PUDP: variants seen among roughly 807,000 people sequenced by gnomAD.
PUDP encodes the protein pseudouridine-5'-phosphatase.
PUDP carries 8 observed loss-of-function variants against 9.4 expected under a neutral mutation model. The ratio of observed to expected loss-of-function variants is 0.85; its 90% CI spans 0.50 to 1.53. The LOEUF (loss-of-function observed/expected upper bound fraction) is 1.53. Among genes scored for constraint, PUDP ranks in the 40% most tolerant of loss-of-function variants. The probability of loss-of-function intolerance (pLI) is 0.00; values close to 1 mark genes in which losing one functional copy is unlikely to be tolerated. For missense variants in PUDP, 188 were observed against 189.7 expected, an observed-to-expected ratio of 0.99 and a Z score of 0.05; for synonymous variants, 99 against 80.7, an observed-to-expected ratio of 1.23 and a Z score of -1.22.
chrX:6,957,999 G>A (rs964952146), intron 3 of PUDP, among the ~76,000 whole-genome samples: 1 of 112,010 alleles, frequency 8.9e-6, no homozygotes, highest in Non-Finnish European at 1.9e-5. Flanking sequence ...TAAGGAAATA[G>A]CACTTGAACA....
At chrX:6,729,540 A>T (rs1924783804) in intron 3 of PUDP, among the ~76,000 whole-genome samples, 1 of 112,021 alleles carries the variant, frequency 8.9e-6, no homozygotes, top group Admixed American at 9.5e-5. Context: ...CCTGTCTCAA[A>T]TATCCGGGGT....
intron 3 of PUDP, among the ~76,000 whole-genome samples, chrX:6,751,129 G>A (rs1230715128): frequency 9.3e-6 from 1 of 107,127 alleles, no homozygotes; most frequent in African/African-American, 3.5e-5. Flanking sequence ...GTGACAGAGT[G>A]AGAATCCGTC....
intron 3 of PUDP, among the ~76,000 whole-genome samples, chrX:6,840,136 A>G (rs974221010): frequency 9.0e-6 from 1 of 111,412 alleles, no homozygotes; most frequent in African/African-American, 3.3e-5. Context: ...ATGGTAGTGA[A>G]TAAGTCTCAT....
intron 3 of PUDP, among the ~76,000 whole-genome samples, chrX:6,954,090 G>A (rs943907341): frequency 9.1e-6 from 1 of 110,077 alleles, no homozygotes; most frequent in African/African-American, 3.3e-5. Context: ...TACCATGAGT[G>A]TAAGTTTCCT....
chrX:7,120,836 C>T (rs1300897364), intron 1 of PUDP, among the ~76,000 whole-genome samples: 1 of 112,378 alleles, frequency 8.9e-6, no homozygotes, highest in Non-Finnish European at 1.9e-5. Flanking sequence ...TACTGGTACA[C>T]ACAATGACAT....
chrX:6,801,278 C>A (rs1010508779), intron 3 of PUDP, among the ~76,000 whole-genome samples: 4 of 112,366 alleles, frequency 3.6e-5, no homozygotes, highest in Admixed American at 1.9e-4. Flanking sequence ...AAAACCCACA[C>A]CCCTGGGTTA....
chrX:6,843,601 G>C (rs1452523859), intron 3 of PUDP, among the ~76,000 whole-genome samples: 1 of 111,690 alleles, frequency 9.0e-6, no homozygotes, highest in Non-Finnish European at 1.9e-5. Context: ...TGAGAAAAAG[G>C]TGAATCAACA....
At chrX:6,772,495 C>T (rs1234562867) in intron 3 of PUDP, among the ~76,000 whole-genome samples, 2 of 110,429 alleles carry the variant, frequency 1.8e-5, no homozygotes, top group East Asian at 2.8e-4. Flanking sequence ...ATTCATCTTT[C>T]AACTCTGAGG....
chrX:6,901,030 C>A (rs1172707382), intron 3 of PUDP, among the ~76,000 whole-genome samples: 1 of 111,269 alleles, frequency 9.0e-6, no homozygotes, highest in Admixed American at 9.6e-5. Context: ...CCCGCCTCGG[C>A]CTCCAAAAGT....
At chrX:6,841,748 T>G (rs891555036) in intron 3 of PUDP, among the ~76,000 whole-genome samples, 7 of 112,422 alleles carry the variant, frequency 6.2e-5, no homozygotes, top group African/African-American at 2.3e-4. Context: ...CTTATCAACT[T>G]CCGGGTCAAA....
chrX:7,132,205 C>T (rs921338035), intron 1 of PUDP, among the ~76,000 whole-genome samples: 2 of 111,231 alleles, frequency 1.8e-5, no homozygotes, highest in African/African-American at 6.6e-5. Context: ...CAGTCGGGTT[C>T]ATGAATCGAA....
chrX:7,019,774 T>C (rs1602716273), intron 1 of PUDP, among the ~76,000 whole-genome samples: 1 of 111,509 alleles, frequency 9.0e-6, no homozygotes, highest in Non-Finnish European at 1.9e-5. Context: ...CACCCTACGA[T>C]GCTCCCTGTG....
At chrX:6,986,786 C>T (rs1175598669) in intron 1 of PUDP, among the ~76,000 whole-genome samples, 3 of 112,109 alleles carry the variant, frequency 2.7e-5, no homozygotes, top group Non-Finnish European at 5.6e-5. Context: ...TCCATGCAAT[C>T]CACTGCTCAG....
intron 3 of PUDP, among the ~76,000 whole-genome samples, chrX:6,894,772 G>T (rs936838224): frequency 2.7e-5 from 3 of 111,614 alleles, no homozygotes; most frequent in Non-Finnish European, 5.6e-5. Flanking sequence ...GCTACTTGGA[G>T]GAACTCACAT....
chrX:7,046,097 T>C (rs918031426), downstream of PUDP, among the ~76,000 whole-genome samples: 1 of 112,243 alleles, frequency 8.9e-6, no homozygotes, highest in Non-Finnish European at 1.9e-5. Flanking sequence ...TTAAAATTGA[T>C]AGTGAAAATT....
At position 7,148,087 on chromosome X, in the gene PUDP, G is replaced by A. The variant is rs1031154006; in HGVS notation, c.27C>T (p.Thr9=). Residue 9 remains threonine, a synonymous_variant, in exon 1 of 4, where the codon ACC becomes ACT. Coordinates refer to ENST00000381077, the MANE Select transcript of PUDP (RefSeq NM_012080.5). ...GTCCGTCCATGTCAAAGATGAGGTGGGTGACGGGCTGCGGGGGCGCCGCCA... is the reference window on the plus strand; with the variant it reads ...GTCCGTCCATGTCAAAGATGAGGTGAGTGACGGGCTGCGGGGGCGCCGCCA... The part of the protein sequence containing the change: MAAPPQPV[T]HLIFDMDGLL... 1 of 1,136,851 alleles carries A rather than the reference G, an allele frequency of 8.8e-7. No homozygotes were observed. The highest frequency in any genetic ancestry group is 2.8e-5 in the Admixed American group (1 of 36,042). 93.7% of individuals were successfully genotyped at this position (1,136,851 alleles called of 1,213,427 possible). A position where few individuals can be genotyped will look rare whatever the true frequency, so the allele number is the denominator to read the frequency against.
rs775647501 is a variant in PUDP, at chrX:7,148,120, G to A, written c.-7C>T. On this transcript the variant is annotated 5_prime_UTR_variant, in exon 1 of 4. Transcript: ENST00000381077. The stretch of plus-strand genomic sequence containing the variant: ...GCTGCGGGGGCGCCGCCATGGTGGC[G>A]CCTTCTGGGTCTGGGTGGGGGCGAG... The A allele has an allele frequency of 3.5e-5, 39 of 1,119,796 alleles. No homozygotes were observed. The highest frequency in any genetic ancestry group is 4.4e-5 in the Non-Finnish European group (37 of 845,567). The allele number at this position is 1,119,796 out of a possible 1,213,427, so 92.3% of individuals were successfully genotyped here.
intron 3 of PUDP, among the ~76,000 whole-genome samples, chrX:6,902,659 A>G (rs925542041): frequency 8.9e-6 from 1 of 111,786 alleles, no homozygotes; most frequent in Non-Finnish European, 1.9e-5. Context: ...TGTGGGGTCT[A>G]TGTGACTTGC....
chrX:7,014,522 C>A (rs1191515669), intron 1 of PUDP, among the ~76,000 whole-genome samples: 1 of 111,249 alleles, frequency 9.0e-6, no homozygotes, highest in Non-Finnish European at 1.9e-5. Flanking sequence ...GCAGACTTGG[C>A]GAATCTTCAA....
Sources: allele counts gnomAD v4.1 joint callset (sites outside exome capture counted in the v4.1 genomes callset), GRCh38; gene constraint gnomAD v4.1.1; transcripts MANE v1.5; gene names NCBI Gene and HGNC (gene_info 2026-07-23, HGNC 2026-07-21).